Variants in TBCK observed in about 807,000 individuals in gnomAD.
TBCK encodes TBC domain-containing protein kinase-like protein.
A neutral mutation model predicts 113.4 loss-of-function variants in TBCK; 99 were observed. The observed-to-expected ratio is 0.87, with a 90% CI of 0.74 to 1.03. The LOEUF (loss-of-function observed/expected upper bound fraction) is 1.03. Among genes scored for constraint, TBCK ranks in the 50% least tolerant of loss-of-function variants. The probability of loss-of-function intolerance (pLI) is 0.00; values close to 1 mark genes in which losing one functional copy is unlikely to be tolerated. For missense variants in TBCK, 1,045 were observed against 1,061.3 expected, an observed-to-expected ratio of 0.98 and a Z score of 0.21; for synonymous variants, 369 against 370.8, an observed-to-expected ratio of 1.00 and a Z score of 0.05.
intron 19 of TBCK, among the ~76,000 whole-genome samples, chr4:106,227,580 T>C (rs1758375447): frequency 6.6e-6 from 1 of 151,992 alleles, no homozygotes. Flanking sequence ...ATACAACATC[T>C]AGTATTCCTA....
chr4:106,088,137 A>C (rs942182739), intron 25 of TBCK, among the ~76,000 whole-genome samples: 5 of 152,256 alleles, frequency 3.3e-5, no homozygotes, highest in African/African-American at 1.2e-4. Context: ...CCTGCACAGC[A>C]AAATAAACTG....
At chr4:106,121,840 CA>C (rs1290903660) in intron 23 of TBCK, among the ~76,000 whole-genome samples, 1 of 151,872 alleles carries the variant, frequency 6.6e-6, no homozygotes, top group Non-Finnish European at 1.5e-5. Context: ...AACAAAGACA[CA>C]ACATACCAGA....
rs1749142447 is a variant in TBCK, at chr4:106,156,516, T to C, written c.2235+14579A>G. Reference sequence around the variant, plus strand: ...GTGCCATCTGCGAGCCAGGGACTTATGTCAAAAACCTTAGAAGTGTGCCTA... The same window carrying C: ...GTGCCATCTGCGAGCCAGGGACTTACGTCAAAAACCTTAGAAGTGTGCCTA... On this transcript the variant is annotated intron_variant, in intron 23 of 25. Transcript: ENST00000394708. 1.3e-5 allele frequency among the ~76,000 whole-genome samples: 2 copies of C among 152,166 alleles called. 1 individual carries two copies. Among genetic ancestry groups the C allele is most frequent in the South Asian group, 4.1e-4 (2 of 4,832 alleles).
intron 12 of TBCK, chr4:106,237,387 G>T: frequency 2.7e-6 from 1 of 376,574 alleles, no homozygotes; most frequent in Admixed American, 3.0e-5. Flanking sequence ...TAACAACCCT[G>T]ACAGGATTAC....
intron 22 of TBCK, among the ~76,000 whole-genome samples, chr4:106,182,039 T>G (rs1160174495): frequency 6.6e-6 from 1 of 152,184 alleles, no homozygotes; most frequent in East Asian, 1.9e-4. Context: ...CCTTTCTTAT[T>G]TCCTTGAGCA....
At position 106,236,540 on chromosome 4, in the gene TBCK, AAT is replaced by A. The variant is rs774858293; in HGVS notation, c.1221-23_1221-22del. ...ACTGGCTGTAAAAGAGAACAAAAGC[AAT>A]AAAAAAAAAAAATGGACAAAAGGTA... On this transcript the variant is annotated intron_variant, in intron 13 of 25. Transcript: ENST00000394708. 1.4e-3 allele frequency: 2,019 copies of A among 1,452,728 alleles called. 3 individuals are homozygous for A. The highest frequency in any genetic ancestry group is 1.7e-3 in the Non-Finnish European group (1,848 of 1,103,608). The allele number at this position is 1,452,728 out of a possible 1,614,324, so 90.0% of individuals were successfully genotyped here.
At chr4:106,144,759 C>T (rs1284944501) in intron 23 of TBCK, among the ~76,000 whole-genome samples, 1 of 152,066 alleles carries the variant, frequency 6.6e-6, no homozygotes, top group African/African-American at 2.4e-5. Flanking sequence ...CATGGTGGCT[C>T]ACGCCTGTAA....
At chr4:106,113,872 C>G (rs1252319823) in intron 24 of TBCK, among the ~76,000 whole-genome samples, 3 of 152,134 alleles carry the variant, frequency 2.0e-5, no homozygotes, top group Non-Finnish European at 4.4e-5. Flanking sequence ...CTTTCTTCAG[C>G]CCTATTATTT....
chr4:106,101,862 A>C (rs1161860050), intron 24 of TBCK, among the ~76,000 whole-genome samples: 1 of 152,232 alleles, frequency 6.6e-6, no homozygotes, highest in Admixed American at 6.5e-5. Context: ...TACAACTATT[A>C]AAGAAAACAA....
intron 25 of TBCK, among the ~76,000 whole-genome samples, chr4:106,076,465 G>A (rs1482811687): frequency 1.3e-5 from 2 of 152,084 alleles, no homozygotes; most frequent in African/African-American, 4.8e-5. Flanking sequence ...AAATAATATA[G>A]ACACTATGGC....
Position 106,194,638 on chromosome 4 carries a change from G to A in TBCK, c.1897+80C>T. 3 of 1,095,874 alleles carry A rather than the reference G, an allele frequency of 2.7e-6. No individual in the cohort carries two copies. The South Asian group carries it at 4.1e-5, about 15-fold the overall frequency. 67.9% of individuals were successfully genotyped at this position (1,095,874 alleles called of 1,614,324 possible). A position where few individuals can be genotyped will look rare whatever the true frequency, so the allele number is the denominator to read the frequency against. On this transcript the variant is annotated intron_variant, in intron 21 of 25. Transcript: ENST00000394708. Reference sequence around the variant, plus strand: ...CTTACTAAATCTGCTCAATGTTATTGTAAATATAAAATATGGGGAGGCATC... The same window carrying A: ...CTTACTAAATCTGCTCAATGTTATTATAAATATAAAATATGGGGAGGCATC...
intron 20 of TBCK, among the ~76,000 whole-genome samples, chr4:106,210,835 C>A: frequency 6.6e-6 from 1 of 152,138 alleles, no homozygotes; most frequent in South Asian, 2.1e-4. Context: ...TTGTTTCTTA[C>A]ATCATACTCA....
At chr4:106,291,432 A>T (rs1275672671) in intron 3 of TBCK, among the ~76,000 whole-genome samples, 1 of 152,244 alleles carries the variant, frequency 6.6e-6, no homozygotes, top group East Asian at 1.9e-4. Flanking sequence ...TACTTAAATT[A>T]TAGGTTCATT....
At position 106,041,993 on chromosome 4, in the gene TBCK, G is replaced by C. The variant is rs544140479; in HGVS notation, c.*4577C>G. 2 of 152,206 alleles carry C rather than the reference G, an allele frequency of 1.3e-5. No homozygotes were observed. The highest frequency in any genetic ancestry group is 2.9e-5 in the Non-Finnish European group (2 of 68,040). 9.4% of individuals were successfully genotyped at this position (152,206 alleles called of 1,614,324 possible). A position where few individuals can be genotyped will look rare whatever the true frequency, so the allele number is the denominator to read the frequency against. ...AACTGGATTACAAAACCTAAAGGTT[G>C]TGTGTGAGCAATTACATACCCTGTT... is the stretch of plus-strand genomic sequence containing the variant. On this transcript the variant is annotated 3_prime_UTR_variant, in exon 26 of 26. Transcript: ENST00000394708.
chr4:106,270,849 A>G (rs951554367), intron 3 of TBCK, among the ~76,000 whole-genome samples: 1 of 152,184 alleles, frequency 6.6e-6, no homozygotes, highest in Non-Finnish European at 1.5e-5. Flanking sequence ...ACTTATGACC[A>G]GTATGATTGC....
chr4:106,202,095 C>T (rs1754949179), intron 20 of TBCK, among the ~76,000 whole-genome samples: 1 of 151,824 alleles, frequency 6.6e-6, no homozygotes, highest in African/African-American at 2.4e-5. Context: ...ACAATGATCA[C>T]CCAGAATCTT....
intron 20 of TBCK, among the ~76,000 whole-genome samples, chr4:106,204,751 A>ATTTTTT (rs34775295): frequency 1.7e-4 from 15 of 87,276 alleles, no homozygotes; most frequent in South Asian, 4.3e-4. Context: ...ACAAACAATG[A>ATTTTTT]TTTTTTTTTT....
In TBCK at chr4:106,084,593, C is replaced by T. The variant is rs180777790; in HGVS notation, c.2571+10889G>A. On this transcript the variant is annotated intron_variant, in intron 25 of 25. Transcript: ENST00000394708. ...AATCAGGAAATACAGAGAACACCAC[C>T]GTTAAGATACTCCACGAGAAGATCA... Among the ~76,000 whole-genome samples, 7 of 152,104 alleles carry T rather than the reference C, an allele frequency of 4.6e-5. No homozygotes were observed. The East Asian group carries it at 5.8e-4, about 13-fold the overall frequency.
intron 22 of TBCK, among the ~76,000 whole-genome samples, chr4:106,190,086 A>T (rs963987737): frequency 6.6e-6 from 1 of 152,226 alleles, no homozygotes; most frequent in African/African-American, 2.4e-5. Context: ...TTTAACAAAG[A>T]GGTCACAAAT....
Sources: gnomAD v4.1 joint callset for allele counts (sites outside exome capture counted in the v4.1 genomes callset) on GRCh38, gnomAD v4.1.1 for gene constraint, MANE v1.5 for transcripts, NCBI Gene and HGNC (gene_info 2026-07-23, HGNC 2026-07-21) for gene names.